PTPRG: variants seen among roughly 807,000 people sequenced by gnomAD.
PTPRG encodes the protein receptor-type tyrosine-protein phosphatase gamma.
A neutral mutation model predicts 165.3 loss-of-function variants in PTPRG; 102 were observed. The observed-to-expected ratio is 0.62, with a 90% CI of 0.53 to 0.73. The LOEUF (loss-of-function observed/expected upper bound fraction) is 0.73. Among genes scored for constraint, PTPRG ranks in the 30% least tolerant of loss-of-function variants. The pLI is 0.00. For missense variants in PTPRG, 1,866 were observed against 1,861.4 expected (o/e 1.00, Z -0.05); for synonymous variants, 675 against 669.5 (o/e 1.01, Z -0.13).
At chr3:61,689,000 T>C (rs2029972429) in intron 1 of PTPRG, among the ~76,000 whole-genome samples, 1 of 152,228 alleles carries the variant, frequency 6.6e-6, no homozygotes, top group South Asian at 2.1e-4. Context: ...GTGGTACGAC[T>C]GCACTTGGTT....
intron 2 of PTPRG, among the ~76,000 whole-genome samples, chr3:61,985,017 A>G (rs928605393): frequency 1.3e-5 from 2 of 152,254 alleles, no homozygotes; most frequent in Non-Finnish European, 2.9e-5. Context: ...TCAGATGTCC[A>G]AGATAGCCAT....
At chr3:62,178,143 A>T (rs1485001099) in intron 8 of PTPRG, among the ~76,000 whole-genome samples, 2 of 142,250 alleles carry the variant, frequency 1.4e-5, no homozygotes, top group Non-Finnish European at 3.1e-5. Context: ...GGGAGGATGG[A>T]TGGATGGATG....
At chr3:61,787,676 T>C (rs1029188746) in intron 2 of PTPRG, among the ~76,000 whole-genome samples, 1 of 152,204 alleles carries the variant, frequency 6.6e-6, no homozygotes, top group African/African-American at 2.4e-5. Flanking sequence ...TTAATTTTGG[T>C]ATGATGGACA....
intron 7 of PTPRG, among the ~76,000 whole-genome samples, chr3:62,163,227 A>G (rs1487982687): frequency 6.6e-6 from 1 of 151,958 alleles, no homozygotes; most frequent in Non-Finnish European, 1.5e-5. Context: ...GTGGGGACAC[A>G]GATCCAAACT....
chr3:62,216,194 A>G (rs973872891), intron 12 of PTPRG, among the ~76,000 whole-genome samples: 2 of 150,608 alleles, frequency 1.3e-5, no homozygotes, highest in Non-Finnish European at 2.9e-5. Flanking sequence ...CCTGGGTGAC[A>G]GAGTGAGACC....
intron 4 of PTPRG, among the ~76,000 whole-genome samples, chr3:62,021,857 C>CTTTTTTTTTTTTT (rs398062374): frequency 1.0e-5 from 1 of 97,088 alleles, no homozygotes; most frequent in Non-Finnish European, 2.1e-5. Context: ...TTTTCCTTTT[C>CTTTTTTTTTTTTT]TTTTTTTTTT....
At chr3:62,143,905 G>A (rs1359855098) in intron 6 of PTPRG, among the ~76,000 whole-genome samples, 3 of 152,136 alleles carry the variant, frequency 2.0e-5, no homozygotes, top group Non-Finnish European at 2.9e-5. Context: ...CTTATCTCAC[G>A]AGTATCATCG....
At chr3:62,122,008 G>C (rs1163024414) in intron 5 of PTPRG, among the ~76,000 whole-genome samples, 1 of 152,178 alleles carries the variant, frequency 6.6e-6, no homozygotes, top group Non-Finnish European at 1.5e-5. Context: ...GAACTCTTCA[G>C]TTAGCATTAA....
intron 2 of PTPRG, among the ~76,000 whole-genome samples, chr3:61,803,846 G>C (rs1229695321): frequency 1.3e-5 from 2 of 152,156 alleles, no homozygotes. Flanking sequence ...ATAGTTAAAA[G>C]TTGCAACGCT....
At chr3:62,256,459 C>T (rs1701538740) in intron 16 of PTPRG, among the ~76,000 whole-genome samples, 1 of 152,074 alleles carries the variant, frequency 6.6e-6, no homozygotes, top group Admixed American at 6.6e-5. Context: ...TCTACGAAGT[C>T]ATATGTTTTA....
At chr3:61,584,153 T>C (rs924259794) in intron 1 of PTPRG, among the ~76,000 whole-genome samples, 2 of 152,116 alleles carry the variant, frequency 1.3e-5, no homozygotes, top group Non-Finnish European at 2.9e-5. Flanking sequence ...CACTTAGCCT[T>C]AACTGCTTCT....
At chr3:61,771,933 G>C (rs1273701279) in intron 2 of PTPRG, among the ~76,000 whole-genome samples, 1 of 151,754 alleles carries the variant, frequency 6.6e-6, no homozygotes, top group South Asian at 2.1e-4. Flanking sequence ...GGTGGTAGGC[G>C]CATGTAATCC....
intron 5 of PTPRG, among the ~76,000 whole-genome samples, chr3:62,084,303 C>G (rs1423555601): frequency 3.9e-5 from 6 of 152,234 alleles, no homozygotes. Context: ...ACCAACTCTA[C>G]TGCAGTTTCC....
intron 2 of PTPRG, among the ~76,000 whole-genome samples, chr3:61,875,054 C>T (rs2037696424): frequency 1.3e-5 from 2 of 152,188 alleles, no homozygotes; most frequent in African/African-American, 4.8e-5. Flanking sequence ...CTTCTCTTTC[C>T]TCTGCCGCGA....
intron 2 of PTPRG, among the ~76,000 whole-genome samples, chr3:61,836,390 C>A (rs1387435214): frequency 1.3e-5 from 2 of 152,120 alleles, no homozygotes; most frequent in South Asian, 4.2e-4. Context: ...AAAGTTGTAA[C>A]ATTTTGAGGC....
At chr3:62,138,954 A>T (rs1461848032) in intron 6 of PTPRG, among the ~76,000 whole-genome samples, 2 of 152,214 alleles carry the variant, frequency 1.3e-5, no homozygotes, top group African/African-American at 4.8e-5. Context: ...ACTTCAAAAC[A>T]CCATCCTCTT....
intron 6 of PTPRG, among the ~76,000 whole-genome samples, chr3:62,152,649 T>C (rs1353059108): frequency 6.6e-6 from 1 of 152,148 alleles, no homozygotes; most frequent in African/African-American, 2.4e-5. Context: ...CACTGCAAAC[T>C]GCTCTTCGAC....
chr3:62,018,597 A>G (rs941499193), intron 4 of PTPRG, among the ~76,000 whole-genome samples: 2 of 152,248 alleles, frequency 1.3e-5, no homozygotes, highest in Non-Finnish European at 2.9e-5. Context: ...GCCTCTTCAA[A>G]TGGTAGTCTA....
intron 6 of PTPRG, among the ~76,000 whole-genome samples, chr3:62,135,844 G>C (rs1703689417): frequency 6.6e-6 from 1 of 152,196 alleles, no homozygotes; most frequent in East Asian, 1.9e-4. Context: ...TCTTTGCCAA[G>C]CTGTCAGAGA....
Sources: gnomAD v4.1 joint callset for allele counts (sites outside exome capture counted in the v4.1 genomes callset) on GRCh38, gnomAD v4.1.1 for gene constraint, MANE v1.5 for transcripts, NCBI Gene and HGNC (gene_info 2026-07-23, HGNC 2026-07-21) for gene names.